SRRM4: variants seen among roughly 807,000 people sequenced by gnomAD.
The protein encoded by SRRM4 is serine/arginine repetitive matrix 4.
In SRRM4, 33 loss-of-function variants were observed where a neutral mutation model predicts 68.9. The ratio of observed to expected loss-of-function variants is 0.48; its 90% CI spans 0.36 to 0.64. SRRM4 has a LOEUF of 0.64. SRRM4 is among the 30% of genes least tolerant of loss of function. SRRM4 has a pLI of 0.00. For missense variants in SRRM4, 817 were observed against 827.1 expected (o/e 0.99, Z 0.15); for synonymous variants, 318 against 318.8 (o/e 1.00, Z 0.03).
intron 1 of SRRM4, among the ~76,000 whole-genome samples, chr12:119,079,139 G>A (rs1485356925): frequency 1.3e-5 from 2 of 152,100 alleles, no homozygotes; most frequent in African/African-American, 2.4e-5. Flanking sequence ...CAGGTGGAGG[G>A]AACTTCATAT....
chr12:119,035,809 T>C (rs1292880189), intron 1 of SRRM4, among the ~76,000 whole-genome samples: 1 of 152,110 alleles, frequency 6.6e-6, no homozygotes, highest in African/African-American at 2.4e-5. Context: ...AACTCTATAT[T>C]GTTGAGTCTC....
chr12:119,152,152 T>G (rs1954443403), intron 10 of SRRM4, among the ~76,000 whole-genome samples: 1 of 152,216 alleles, frequency 6.6e-6, no homozygotes, highest in Non-Finnish European at 1.5e-5. Flanking sequence ...GGAGTCCAGC[T>G]TTCCTCTGCA....
rs1249669715 is a variant in SRRM4 at position 119,154,187 on chromosome 12, C to T, written c.1392-56C>T. 6.6e-7 allele frequency: 1 copy of T among 1,513,388 alleles called. No individual in the cohort carries two copies. The highest frequency in any genetic ancestry group is 2.4e-5 in the East Asian group (1 of 41,092). The allele number at this position is 1,513,388 out of a possible 1,614,324, so 93.7% of individuals were successfully genotyped here. ...AGGGAGTGTCCCTCTCCCACGCGCT[C>T]ACGCAGAAAATCCAGCCCAGCCCCA... On this transcript the variant is annotated intron_variant, in intron 11 of 12. Transcript: ENST00000267260. The surrounding 1 kb of genome is among the most constrained non-coding windows in gnomAD (Gnocchi z 4.7).
intron 1 of SRRM4, among the ~76,000 whole-genome samples, chr12:119,041,073 G>T (rs945503479): frequency 2.6e-5 from 4 of 151,930 alleles, no homozygotes; most frequent in Admixed American, 1.3e-4. Context: ...TTGACTACTC[G>T]TTATATCCAG....
intron 1 of SRRM4, among the ~76,000 whole-genome samples, chr12:119,061,464 C>A (rs905387002): frequency 2.6e-5 from 4 of 152,168 alleles, no homozygotes; most frequent in Non-Finnish European, 4.4e-5. Context: ...ACCATGAAAG[C>A]ACTACCTGGC....
chr12:119,024,295 C>T (rs189698322), intron 1 of SRRM4, among the ~76,000 whole-genome samples: 376 of 152,282 alleles, frequency 2.5e-3, no homozygotes, highest in Non-Finnish European at 3.6e-3. Context: ...AAGTTTTTCC[C>T]GAGTCCAGCC....
chr12:119,086,809 C>T (rs1054438200), intron 1 of SRRM4, among the ~76,000 whole-genome samples: 1 of 152,202 alleles, frequency 6.6e-6, no homozygotes, highest in Non-Finnish European at 1.5e-5. Context: ...TAGAAAAGAT[C>T]CCTCTCAAAG....
chr12:119,092,685 A>G (rs1364575708), intron 1 of SRRM4, among the ~76,000 whole-genome samples: 2 of 152,164 alleles, frequency 1.3e-5, no homozygotes, highest in Non-Finnish European at 2.9e-5. Context: ...GGATTATTGT[A>G]GTCATTTCTT....
At chr12:119,020,113 A>G (rs1953507043) in intron 1 of SRRM4, among the ~76,000 whole-genome samples, 1 of 151,988 alleles carries the variant, frequency 6.6e-6, no homozygotes, top group African/African-American at 2.4e-5. Context: ...CCTTCTCAAC[A>G]GGGCATCCTC....
At chr12:119,092,348 G>A (rs950125607) in intron 1 of SRRM4, among the ~76,000 whole-genome samples, 2 of 152,110 alleles carry the variant, frequency 1.3e-5, no homozygotes, top group Non-Finnish European at 2.9e-5. Flanking sequence ...CCAGGCTCAT[G>A]TACCCACTTG....
intron 1 of SRRM4, among the ~76,000 whole-genome samples, chr12:119,027,725 A>C (rs1379073800): frequency 6.6e-6 from 1 of 152,216 alleles, no homozygotes; most frequent in Admixed American, 6.5e-5. Flanking sequence ...TACTCCCCAC[A>C]ACAAACAACA....
At chr12:119,038,207 CTT>C (rs34123754) in intron 1 of SRRM4, among the ~76,000 whole-genome samples, 4 of 142,490 alleles carry the variant, frequency 2.8e-5, no homozygotes, top group Non-Finnish European at 4.6e-5. Context: ...AAATTAAAAA[CTT>C]TTTTTTTTTT....
Position 119,154,203 on chromosome 12 carries a change from CCCAG to C in SRRM4, c.1392-37_1392-34del. The C allele has an allele frequency of 6.4e-7, 1 of 1,557,376 alleles. No individual in the cohort carries two copies. The highest frequency in any genetic ancestry group is 1.2e-5 in the South Asian group (1 of 85,306). On this transcript the variant is annotated intron_variant, in intron 11 of 12. Transcript: ENST00000267260. This position sits in a 1 kb window ranked among gnomAD's most constrained non-coding sequence, Gnocchi z 4.7. ...CCACGCGCTCACGCAGAAAATCCAG[CCCAG>C]CCCCAGCTCCCCAGTAACCCCCCGC...
chr12:119,132,440 T>C (rs887534198), intron 8 of SRRM4: 2 of 152,210 alleles, frequency 1.3e-5, no homozygotes, highest in African/African-American at 4.8e-5. Flanking sequence ...ATTGCTCTGG[T>C]CATGGTATTT....
chr12:119,022,713 A>G (rs1953523840), intron 1 of SRRM4, among the ~76,000 whole-genome samples: 1 of 152,232 alleles, frequency 6.6e-6, no homozygotes, highest in Admixed American at 6.5e-5. Context: ...ATGGTCACAT[A>G]TGTCTCAAAC....
chr12:119,015,376 C>T (rs979609829), intron 1 of SRRM4, among the ~76,000 whole-genome samples: 4 of 152,196 alleles, frequency 2.6e-5, no homozygotes, highest in African/African-American at 4.8e-5. Context: ...TACTCCCCTC[C>T]AAGCTGCGCT....
intron 3 of SRRM4, among the ~76,000 whole-genome samples, chr12:119,116,465 A>G (rs113932685): frequency 2.6e-5 from 4 of 152,316 alleles, no homozygotes; most frequent in African/African-American, 9.6e-5. Context: ...TGAAGGGAGA[A>G]CAGCAGACAG....
At chr12:118,990,581 T>C (rs571242988) in intron 1 of SRRM4, among the ~76,000 whole-genome samples, 5 of 152,282 alleles carry the variant, frequency 3.3e-5, no homozygotes, top group African/African-American at 9.6e-5. Context: ...GGTTTTAAGG[T>C]TGGGGGTGTT....
In SRRM4 at chr12:118,981,869, C is replaced by T. The variant is rs373135205; in HGVS notation, c.-14C>T. On this transcript the variant is annotated 5_prime_UTR_variant, in exon 1 of 13. Transcript: ENST00000267260. ...GGACAGCGCCCCGGACGCCCCGGCC[C>T]CTTTGGGTTGGCGATGGCGAGCGTT... 3.1e-6 allele frequency: 5 copies of T among 1,612,774 alleles called. No homozygotes were observed. Among genetic ancestry groups the T allele is most frequent in the African/African-American group, 2.7e-5 (2 of 74,910 alleles).
Sources: allele counts gnomAD v4.1 joint callset (sites outside exome capture counted in the v4.1 genomes callset), GRCh38; gene constraint gnomAD v4.1.1; non-coding constraint Gnocchi (gnomAD v3.1); transcripts MANE v1.5; gene names NCBI Gene and HGNC (gene_info 2026-07-23, HGNC 2026-07-21).